The following ERC2 variants were observed in gnomAD, a reference collection of about 807,000 sequenced individuals.
ERC2 encodes ELKS/RAB6-interacting/CAST family member 2, also known as ERC protein 2.
A neutral mutation model predicts 114.8 loss-of-function variants in ERC2; 42 were observed. The ratio of observed to expected loss-of-function variants is 0.37; its 90% CI spans 0.29 to 0.47. The LOEUF is 0.47. Ranked by LOEUF, ERC2 falls within the 20% of genes least tolerant of loss-of-function variation. The pLI is 0.99. For synonymous variants in ERC2, 454 were observed against 425.5 expected, an observed-to-expected ratio of 1.07 and a Z score of -0.82; for missense variants, 939 against 1,150.7, an observed-to-expected ratio of 0.82 and a Z score of 2.66.
chr3:55,977,549 CA>C (rs1318905782), intron 12 of ERC2, among the ~76,000 whole-genome samples: 1 of 152,090 alleles, frequency 6.6e-6, no homozygotes, highest in East Asian at 1.9e-4. Flanking sequence ...TTCCACCTAC[CA>C]TATTAACAAA....
chr3:56,096,022 T>G (rs758098756), intron 6 of ERC2, among the ~76,000 whole-genome samples: 5 of 152,070 alleles, frequency 3.3e-5, no homozygotes, highest in Non-Finnish European at 5.9e-5. Flanking sequence ...AAAACTCCAG[T>G]CTCCTCATCC....
chr3:56,438,360 T>A (rs2062124991), intron 1 of ERC2, among the ~76,000 whole-genome samples: 1 of 152,142 alleles, frequency 6.6e-6, no homozygotes, highest in African/African-American at 2.4e-5. Context: ...TTACATTTCT[T>A]CCCTGCTATA....
intron 15 of ERC2, among the ~76,000 whole-genome samples, chr3:55,728,709 GC>G (rs2065070121): frequency 6.6e-6 from 1 of 152,128 alleles, no homozygotes; most frequent in Admixed American, 6.5e-5. Flanking sequence ...CTTCTCCTAG[GC>G]ACAGGCAACC....
At chr3:56,410,092 C>T (rs1017000644) in intron 2 of ERC2, among the ~76,000 whole-genome samples, 1 of 152,166 alleles carries the variant, frequency 6.6e-6, no homozygotes, top group African/African-American at 2.4e-5. Flanking sequence ...TTCCTTATAA[C>T]CTGAAACAGA....
chr3:55,726,966 A>T (rs1034930746), intron 15 of ERC2, among the ~76,000 whole-genome samples: 3 of 152,208 alleles, frequency 2.0e-5, no homozygotes, highest in Non-Finnish European at 4.4e-5. Flanking sequence ...TTAACTAAAC[A>T]ATAATGTCTG....
intron 7 of ERC2, among the ~76,000 whole-genome samples, chr3:56,048,031 C>T (rs534404750): frequency 6.6e-6 from 1 of 152,304 alleles, no homozygotes; most frequent in Admixed American, 6.5e-5. Context: ...CCCAAATGGG[C>T]TGCCTGGTGA....
At chr3:55,834,842 T>G (rs1286662884) in intron 14 of ERC2, among the ~76,000 whole-genome samples, 1 of 134,926 alleles carries the variant, frequency 7.4e-6, no homozygotes, top group Non-Finnish European at 1.5e-5. Flanking sequence ...ACAAAACTGA[T>G]AGACCACTAG....
Position 56,246,410 on chromosome 3 carries a change from TCCTGTGGGGGGCACAATCTTCC to T in ERC2, c.1074+49587_1074+49608del, listed in dbSNP as rs2051712311. Among the ~76,000 whole-genome samples the T allele has an allele frequency of 3.3e-5, 5 of 152,162 alleles. No individual in the cohort carries two copies. The South Asian group carries it at 1.0e-3, about 31-fold the overall frequency. ...AACTGTCTCCAGTCATTGCCACATC[TCCTGTGGGGGGCACAATCTTCC>T]CCTGTTGACAACCACTGTTCTAAAC... On this transcript the variant is annotated intron_variant, in intron 3 of 17. Transcript: ENST00000288221.
chr3:56,148,854 T>C, intron 5 of ERC2, 123 bp downstream of exon 5: 1 of 843,060 alleles, frequency 1.2e-6, no homozygotes, highest in South Asian at 2.7e-5. Flanking sequence ...TCTACTTTGT[T>C]GTCCATATAT....
At chr3:55,950,302 G>T in intron 13 of ERC2, 123 bp downstream of exon 13, 2 of 1,232,742 alleles carry the variant, frequency 1.6e-6, no homozygotes, top group Non-Finnish European at 2.2e-6. Flanking sequence ...CCCTGTTAGT[G>T]CTAGACTCAG....
At chr3:56,055,999 T>C (rs1048091788) in intron 7 of ERC2, among the ~76,000 whole-genome samples, 9 of 152,052 alleles carry the variant, frequency 5.9e-5, no homozygotes, top group Non-Finnish European at 1.0e-4. Context: ...AACATGAGAA[T>C]ACACTGCCAG....
chr3:56,239,445 G>A lies in ERC2; in HGVS notation c.1074+56574C>T, dbSNP rs536495548. 3.9e-5 allele frequency among the ~76,000 whole-genome samples: 6 copies of A among 152,262 alleles called. No homozygotes were observed. In the East Asian group the frequency reaches 7.7e-4, roughly 20 times the overall value. ...TGCTTGAACCCAGGTGGCAGAGGTTGCAGTGGGCCGAGATCCCACCACTGC... is the reference window on the plus strand; with the variant it reads ...TGCTTGAACCCAGGTGGCAGAGGTTACAGTGGGCCGAGATCCCACCACTGC... On this transcript the variant is annotated intron_variant, in intron 3 of 17. Transcript: ENST00000288221.
At chr3:55,553,688 G>A (rs1263573470) in intron 17 of ERC2, among the ~76,000 whole-genome samples, 1 of 152,038 alleles carries the variant, frequency 6.6e-6, no homozygotes, top group African/African-American at 2.4e-5. Flanking sequence ...GCTGAGGCAG[G>A]AGAATGGCGT....
intron 3 of ERC2, among the ~76,000 whole-genome samples, chr3:56,285,406 C>T (rs753887072): frequency 8.6e-5 from 13 of 151,770 alleles, no homozygotes; most frequent in Non-Finnish European, 1.5e-4. Flanking sequence ...GTCCACTATT[C>T]GACATCCTGC....
At chr3:56,198,100 G>A (rs2048209696) in intron 3 of ERC2, among the ~76,000 whole-genome samples, 1 of 152,210 alleles carries the variant, frequency 6.6e-6, no homozygotes, top group South Asian at 2.1e-4. Context: ...ACATAAAGGA[G>A]AAAGAGCCAA....
At chr3:55,543,849 C>T (rs567561309) in intron 17 of ERC2, among the ~76,000 whole-genome samples, 1 of 152,168 alleles carries the variant, frequency 6.6e-6, no homozygotes, top group Admixed American at 6.5e-5. Context: ...TGGCCACTCT[C>T]CCACTCTCTC....
intron 14 of ERC2, among the ~76,000 whole-genome samples, chr3:55,881,003 G>A (rs1259623050): frequency 1.3e-5 from 2 of 151,946 alleles, no homozygotes; most frequent in African/African-American, 4.8e-5. Flanking sequence ...CTTGTTTATT[G>A]AGTTTATCAA....
chr3:56,272,749 G>A (rs1429835021), intron 3 of ERC2, among the ~76,000 whole-genome samples: 1 of 152,296 alleles, frequency 6.6e-6, no homozygotes, highest in Admixed American at 6.5e-5. Flanking sequence ...CAGCCCCAGC[G>A]ACAGAGATTT....
intron 17 of ERC2, among the ~76,000 whole-genome samples, chr3:55,633,310 G>A (rs1298788720): frequency 1.3e-5 from 2 of 152,196 alleles, no homozygotes; most frequent in East Asian, 3.8e-4. Context: ...GTGAGTGAAT[G>A]AACAAACAGA....
Sources: allele counts gnomAD v4.1 joint callset (sites outside exome capture counted in the v4.1 genomes callset), GRCh38; gene constraint gnomAD v4.1.1; transcripts MANE v1.5; gene names NCBI Gene and HGNC (gene_info 2026-07-23, HGNC 2026-07-21).